UBE2E2: variants seen among roughly 807,000 people sequenced by gnomAD.
The protein encoded by UBE2E2 is ubiquitin-conjugating enzyme E2 E2.
Under a neutral mutation model 24.7 loss-of-function variants are expected in UBE2E2, and 6 were observed. That is an observed-to-expected ratio of 0.24 (90% CI 0.13 to 0.48). The LOEUF is 0.48. UBE2E2 is among the 20% of genes least tolerant of loss of function. UBE2E2 has a pLI of 0.99. For synonymous variants in UBE2E2, 104 were observed against 83.6 expected (o/e 1.24, Z -1.33); for missense variants, 169 against 245.0 (o/e 0.69, Z 2.07).
chr3:23,361,488 C>G (rs923710184), intron 3 of UBE2E2, among the ~76,000 whole-genome samples: 1 of 152,196 alleles, frequency 6.6e-6, no homozygotes, highest in African/African-American at 2.4e-5. Flanking sequence ...CCATGGACTA[C>G]TACTCAGCCA....
At chr3:23,376,250 G>A (rs908548079) in intron 3 of UBE2E2, among the ~76,000 whole-genome samples, 2 of 152,176 alleles carry the variant, frequency 1.3e-5, no homozygotes, top group Non-Finnish European at 2.9e-5. Context: ...TGTTGCTTTT[G>A]AGGAGCTTTT....
chr3:23,443,583 G>C (rs564452077), intron 3 of UBE2E2, among the ~76,000 whole-genome samples: 28 of 152,284 alleles, frequency 1.8e-4, no homozygotes, highest in Non-Finnish European at 2.9e-4. Context: ...GGGTATGCAA[G>C]TGGGGAATCC....
At chr3:23,361,261 CAG>C (rs1290871290) in intron 3 of UBE2E2, among the ~76,000 whole-genome samples, 3 of 152,176 alleles carry the variant, frequency 2.0e-5, no homozygotes, top group Non-Finnish European at 2.9e-5. Flanking sequence ...CTATGGAAAA[CAG>C]TGTGGAGATT....
chr3:23,554,103 G>T (rs35152860), intron 5 of UBE2E2, among the ~76,000 whole-genome samples: 9,525 of 152,082 alleles, frequency 0.063, 464 homozygotes, highest in Non-Finnish European at 0.087. Context: ...GGGGTTGAGG[G>T]GGGAAGAGAT....
At chr3:23,389,983 A>G (rs554498830) in intron 3 of UBE2E2, 2 of 152,338 alleles carry the variant, frequency 1.3e-5, no homozygotes, top group Admixed American at 1.3e-4. Context: ...GCACCAGGCA[A>G]CCCCAGTTCC....
At chr3:23,387,722 G>C (rs1696835537) in intron 3 of UBE2E2, among the ~76,000 whole-genome samples, 1 of 152,080 alleles carries the variant, frequency 6.6e-6, no homozygotes, top group Non-Finnish European at 1.5e-5. Flanking sequence ...TGCCTGACAG[G>C]CCATTGAAAA....
intron 3 of UBE2E2, among the ~76,000 whole-genome samples, chr3:23,226,531 C>T (rs574988917): frequency 3.9e-5 from 6 of 152,218 alleles, no homozygotes; most frequent in East Asian, 1.9e-4. Flanking sequence ...TGAGCCACTG[C>T]GCCCGGCCAG....
chr3:23,573,710 C>A lies in UBE2E2; in HGVS notation c.509-16024C>A, dbSNP rs147879796. Among the ~76,000 whole-genome samples, 713 of 152,270 alleles carry A rather than the reference C, an allele frequency of 4.7e-3. 4 individuals carry two copies. Among genetic ancestry groups the A allele is most frequent in the Non-Finnish European group, 7.7e-3 (526 of 68,018 alleles). On this transcript the variant is annotated intron_variant, in intron 5 of 5. Transcript: ENST00000396703. ...GTACCAATATCTTTTCTCAGTGCTG[C>A]CAGCTGCTAGGTGGTTCCTCCACAC...
At chr3:23,226,989 A>AT (rs1194574053) in intron 3 of UBE2E2, among the ~76,000 whole-genome samples, 1 of 150,922 alleles carries the variant, frequency 6.6e-6, no homozygotes, top group Non-Finnish European at 1.5e-5. Context: ...AAAAAAAAAA[A>AT]GGCAGTGGAA....
intron 3 of UBE2E2, among the ~76,000 whole-genome samples, chr3:23,458,373 C>A (rs1698726702): frequency 8.9e-6 from 1 of 112,838 alleles, no homozygotes; most frequent in South Asian, 2.9e-4. Context: ...CATCAACAAT[C>A]ACTGATCAGA....
intron 3 of UBE2E2, among the ~76,000 whole-genome samples, chr3:23,227,618 T>G (rs540274696): frequency 9.8e-5 from 15 of 152,334 alleles, no homozygotes; most frequent in Middle Eastern, 6.8e-3. Flanking sequence ...AGTTCTTGAC[T>G]CAGTTGCTAC....
At chr3:23,260,442 T>C (rs1697864717) in intron 3 of UBE2E2, among the ~76,000 whole-genome samples, 1 of 152,234 alleles carries the variant, frequency 6.6e-6, no homozygotes, top group Non-Finnish European at 1.5e-5. Flanking sequence ...AAACCAATTA[T>C]GTGTAAAAAT....
Position 23,280,808 on chromosome 3 carries a change from C to T in UBE2E2, c.227+63496C>T, listed in dbSNP as rs559341693. Among the ~76,000 whole-genome samples, 1 of 152,270 alleles carries T rather than the reference C, an allele frequency of 6.6e-6. No homozygotes were observed. Among genetic ancestry groups the T allele is most frequent in the South Asian group, 2.1e-4 (1 of 4,820 alleles). On this transcript the variant is annotated intron_variant, in intron 3 of 5. Coordinates refer to ENST00000396703, the MANE Select transcript of UBE2E2 (RefSeq NM_152653.4). The surrounding 1 kb of genome is among the most constrained non-coding windows in gnomAD (Gnocchi z 4.3). Reference sequence around the variant, plus strand: ...TTTTTCCATGAATGTTGCCTTCTCTCGTGTTTCACATTCAGAATTTTCTTA... The same window carrying T: ...TTTTTCCATGAATGTTGCCTTCTCTTGTGTTTCACATTCAGAATTTTCTTA...
intron 3 of UBE2E2, among the ~76,000 whole-genome samples, chr3:23,296,726 G>C (rs577193467): frequency 1.3e-5 from 2 of 152,284 alleles, no homozygotes; most frequent in South Asian, 4.2e-4. Context: ...CATTTAGGTT[G>C]GTTCCAAGTC....
chr3:23,346,399 T>C (rs1305565832), intron 3 of UBE2E2, among the ~76,000 whole-genome samples: 2 of 152,200 alleles, frequency 1.3e-5, no homozygotes, highest in Non-Finnish European at 2.9e-5. Flanking sequence ...CACACACAGG[T>C]TGAAGATGAC....
intron 3 of UBE2E2, among the ~76,000 whole-genome samples, chr3:23,389,172 T>G (rs1009825172): frequency 6.6e-6 from 1 of 152,160 alleles, no homozygotes; most frequent in Non-Finnish European, 1.5e-5. Flanking sequence ...TATGTTTTTT[T>G]GTCATAAATA....
chr3:23,312,982 G>C (rs1694453643), intron 3 of UBE2E2, among the ~76,000 whole-genome samples: 1 of 152,058 alleles, frequency 6.6e-6, no homozygotes, highest in Admixed American at 6.6e-5. Context: ...TTTTGGTGGA[G>C]AATGTTTTGA....
chr3:23,251,074 G>T (rs921862029), intron 3 of UBE2E2, among the ~76,000 whole-genome samples: 2 of 152,136 alleles, frequency 1.3e-5, no homozygotes, highest in Admixed American at 6.5e-5. Context: ...GCCCACGCTG[G>T]TCTCAAACTC....
rs77907616 is a variant in UBE2E2 at position 23,527,632 on chromosome 3, A to G, written c.361-4922A>G. On this transcript the variant is annotated intron_variant, in intron 4 of 5. Transcript: ENST00000396703. ...GAACTTTCAGCCCCTTTCCCCTATA[A>G]CCCTCAGGGAGAGGAGAGCATCTGA... Among the ~76,000 whole-genome samples the G allele has an allele frequency of 5.3e-3, 813 of 152,148 alleles. 8 individuals are homozygous for G. Among genetic ancestry groups the G allele is most frequent in the African/African-American group, 0.017 (726 of 41,496 alleles).
Sources: gnomAD v4.1 joint callset for allele counts (sites outside exome capture counted in the v4.1 genomes callset) on GRCh38, gnomAD v4.1.1 for gene constraint, Gnocchi (gnomAD v3.1) non-coding constraint, MANE v1.5 for transcripts, NCBI Gene and HGNC (gene_info 2026-07-23, HGNC 2026-07-21) for gene names.